LRRC37A2: variants seen among roughly 807,000 people sequenced by gnomAD.
The protein encoded by LRRC37A2 is leucine-rich repeat-containing protein 37A2.
In LRRC37A2, 9 loss-of-function variants were observed where a neutral mutation model predicts 68.8. The ratio of observed to expected loss-of-function variants is 0.13; its 90% confidence interval spans 0.08 to 0.23. The LOEUF (loss-of-function observed/expected upper bound fraction) is 0.23, where lower values mean the gene tolerates loss of function less well. Among genes scored for constraint, LRRC37A2 ranks in the 10% least tolerant of loss-of-function variants. LRRC37A2 has a pLI of 1.00. For missense variants in LRRC37A2, 168 were observed against 950.4 expected (o/e 0.18, Z 10.82); for synonymous variants, 63 against 367.6 (o/e 0.17, Z 9.48).
At chr17:47,026,461 G>A in the LRRC37A2 span, among the ~76,000 whole-genome samples, 1 of 152,188 alleles carries the variant, frequency 6.6e-6, no homozygotes, top group Non-Finnish European at 1.5e-5. Flanking sequence ...CACCCTCGTA[G>A]TTACTGATTC....
At chr17:46,923,709 G>A in the LRRC37A2 span, 1 of 545,154 alleles carries the variant, frequency 1.8e-6, no homozygotes, top group Non-Finnish European at 2.8e-6. Flanking sequence ...AGAAATTGCT[G>A]TCCACGTAGC....
In LRRC37A2 at chr17:46,549,140, G is replaced by A. The variant is rs1168922267; in HGVS notation, c.4001G>A (p.Ser1334Asn). The change falls in exon 10 of 15, where the codon AGT becomes AAT. Residue 1334 changes from serine to asparagine, a missense_variant. By Grantham distance (46) the Ser-to-Asn change is conservative (BLOSUM62 1). Transcript: ENST00000576629. ...AAGGTCAGAAAGAAAAGTTATCTGA[G>A]TAGACTGATGCTCGCAAACAGGCTT... is the stretch of plus-strand genomic sequence containing the variant. 4.3e-6 allele frequency: 7 copies of A among 1,611,486 alleles called. 1 individual carries two copies. In the African/African-American group the frequency reaches 6.8e-5, roughly 16 times the overall value.
chr17:46,824,331 A>G, the LRRC37A2 span, among the ~76,000 whole-genome samples: 2 of 152,150 alleles, frequency 1.3e-5, no homozygotes, highest in African/African-American at 2.4e-5. Context: ...TCACTGCAGC[A>G]TCCACCTCCT....
chr17:46,848,798 AC>A, the LRRC37A2 span, among the ~76,000 whole-genome samples: 4 of 152,148 alleles, frequency 2.6e-5, no homozygotes, highest in African/African-American at 9.7e-5. Flanking sequence ...CAGCTGGCCC[AC>A]CTACACCTGC....
chr17:46,546,095 T>C (rs2056273518), intron 8 of LRRC37A2, among the ~76,000 whole-genome samples, 160 bp from the exon 8 acceptor site: 1 of 152,062 alleles, frequency 6.6e-6, no homozygotes. Context: ...TGGGCACTTT[T>C]GTCCTCCTTC....
At chr17:47,043,501 G>GAA in the LRRC37A2 span, among the ~76,000 whole-genome samples, 138 of 145,302 alleles carry the variant, frequency 9.5e-4, 3 homozygotes, top group South Asian at 4.1e-3. Flanking sequence ...TCCATCTCAG[G>GAA]AAAAAAAAAA....
At chr17:47,034,306 T>A in the LRRC37A2 span, among the ~76,000 whole-genome samples, 2 of 152,352 alleles carry the variant, frequency 1.3e-5, no homozygotes, top group Admixed American at 1.3e-4. Context: ...AGTCTCTCCA[T>A]GGCCCAGGCA....
the LRRC37A2 span, among the ~76,000 whole-genome samples, chr17:46,716,423 A>AT: frequency 6.6e-6 from 1 of 151,710 alleles, no homozygotes; most frequent in Non-Finnish European, 1.5e-5. Context: ...TGCCTGGCTA[A>AT]TTTTTTTGTA....
At chr17:46,838,165 G>C in the LRRC37A2 span, among the ~76,000 whole-genome samples, 63 of 152,108 alleles carry the variant, frequency 4.1e-4, 1 homozygote, top group Non-Finnish European at 4.1e-4. Flanking sequence ...TGGCCCTACT[G>C]TTTTCTCTCT....
At chr17:46,420,987 T>C in the LRRC37A2 span, among the ~76,000 whole-genome samples, 1 of 45,282 alleles carries the variant, frequency 2.2e-5, no homozygotes, top group Admixed American at 1.8e-4. Context: ...TTAGTAGAGA[T>C]GGGGTTTCAC....
chr17:46,766,685 T>G, the LRRC37A2 span, among the ~76,000 whole-genome samples: 2 of 152,172 alleles, frequency 1.3e-5, no homozygotes, highest in African/African-American at 2.4e-5. Flanking sequence ...CTCTTCTCCA[T>G]GACGTCAAGT....
the LRRC37A2 span, among the ~76,000 whole-genome samples, chr17:46,714,196 C>T: frequency 6.6e-6 from 1 of 152,116 alleles, no homozygotes; most frequent in Non-Finnish European, 1.5e-5. Context: ...CCTTTACCTT[C>T]TAAATTATGC....
chr17:46,939,454 C>G, the LRRC37A2 span: 2 of 987,170 alleles, frequency 2.0e-6, no homozygotes, highest in Non-Finnish European at 2.4e-6. Flanking sequence ...AGTCTTGACC[C>G]TAGTCACTGA....
chr17:46,838,350 G>A, the LRRC37A2 span, among the ~76,000 whole-genome samples: 1 of 151,828 alleles, frequency 6.6e-6, no homozygotes, highest in Non-Finnish European at 1.5e-5. Flanking sequence ...TCACAGGCCA[G>A]GTGTGGTGGC....
the LRRC37A2 span, chr17:46,931,624 G>T: frequency 1.1e-4 from 32 of 287,298 alleles, no homozygotes; most frequent in East Asian, 2.8e-3. Flanking sequence ...TGATACTCCA[G>T]CATGAAATTA....
At chr17:46,784,098 T>C in the LRRC37A2 span, among the ~76,000 whole-genome samples, 1 of 152,038 alleles carries the variant, frequency 6.6e-6, no homozygotes, top group Non-Finnish European at 1.5e-5. Flanking sequence ...CCGGGGTCTG[T>C]GGCAGGGGAT....
chr17:46,934,780 G>A, the LRRC37A2 span, among the ~76,000 whole-genome samples: 2 of 152,224 alleles, frequency 1.3e-5, no homozygotes, highest in South Asian at 2.1e-4. Flanking sequence ...GACAAGTATC[G>A]TTGGAATGAA....
the LRRC37A2 span, chr17:46,874,820 C>T: frequency 4.6e-5 from 26 of 568,822 alleles, no homozygotes; most frequent in Admixed American, 1.2e-4. Flanking sequence ...TCAAATGATC[C>T]GCCCGCCTTG....
At chr17:46,717,704 T>G in the LRRC37A2 span, among the ~76,000 whole-genome samples, 2 of 152,016 alleles carry the variant, frequency 1.3e-5, no homozygotes, top group Non-Finnish European at 2.9e-5. Context: ...AGAGCAAGAC[T>G]CCATCTAAAA....
Sources: gnomAD v4.1 joint callset for allele counts (sites outside exome capture counted in the v4.1 genomes callset) on GRCh38, gnomAD v4.1.1 for gene constraint, MANE v1.5 for transcripts, NCBI Gene and HGNC (gene_info 2026-07-23, HGNC 2026-07-21) for gene names.